The following KCNIP2 variants were observed in gnomAD, a reference collection of about 807,000 sequenced individuals.
KCNIP2 encodes potassium voltage-gated channel interacting protein 2, also known as A-type potassium channel modulatory protein KCNIP2.
Under a neutral mutation model 39.0 loss-of-function variants are expected in KCNIP2, and 19 were observed. The observed-to-expected ratio is 0.49, with a 90% CI of 0.34 to 0.71. The LOEUF (loss-of-function observed/expected upper bound fraction) is 0.71. Among genes scored for constraint, KCNIP2 ranks in the 30% least tolerant of loss-of-function variants. KCNIP2 has a pLI of 0.01. For missense variants in KCNIP2, 261 were observed against 346.0 expected (o/e 0.75, Z 1.95); for synonymous variants, 111 against 131.2 (o/e 0.85, Z 1.05).
chr10:101,827,111 G>T lies in KCNIP2; in HGVS notation c.*242C>A. ...AGGAGGGGCACTCTCAACACTGGGT[G>T]TCAGGCAGGAAGGGGGTGAGAGCTG... On this transcript the variant is annotated 3_prime_UTR_variant, in exon 10 of 10. Transcript: ENST00000356640. The T allele has an allele frequency of 1.1e-6, 1 of 927,448 alleles. No individual in the cohort carries two copies. Among genetic ancestry groups the T allele is most frequent in the Non-Finnish European group, 1.4e-6 (1 of 700,808 alleles). 57.5% of individuals were successfully genotyped at this position (927,448 alleles called of 1,614,324 possible).
intron 1 of KCNIP2, among the ~76,000 whole-genome samples, chr10:101,840,182 G>T (rs2066288465): frequency 6.6e-6 from 1 of 152,006 alleles, no homozygotes. Flanking sequence ...GATGGGGAAT[G>T]AACCGTATCT....
At chr10:101,833,869 C>T (rs1049899724) in intron 1 of KCNIP2, among the ~76,000 whole-genome samples, 1 of 151,978 alleles carries the variant, frequency 6.6e-6, no homozygotes, top group Non-Finnish European at 1.5e-5. Context: ...CAAAAAGGAC[C>T]CCCCAGAAAT....
intron 2 of KCNIP2, among the ~76,000 whole-genome samples, 197 bp downstream of exon 2, chr10:101,830,875 C>T (rs2065965700): frequency 6.6e-6 from 1 of 151,630 alleles, no homozygotes; most frequent in African/African-American, 2.4e-5. Context: ...CTCGCGCGCA[C>T]ATGCACACAC....
In KCNIP2 at chr10:101,832,286, C is replaced by T. The variant is rs998687058; in HGVS notation, c.74-1119G>A. Reference sequence around the variant, plus strand: ...GCTCTAATTGCACCCCCAGAGGACCCTCAGTGTTACTGTGTGTGTGTGTGT... The same window carrying T: ...GCTCTAATTGCACCCCCAGAGGACCTTCAGTGTTACTGTGTGTGTGTGTGT... On this transcript the variant is annotated intron_variant, in intron 1 of 9. Transcript: ENST00000356640. Among the ~76,000 whole-genome samples the T allele has an allele frequency of 2.8e-5, 4 of 145,162 alleles. No homozygotes were observed. The East Asian group carries it at 6.1e-4, about 22-fold the overall frequency.
intron 2 of KCNIP2, chr10:101,830,370 G>A: frequency 1.6e-6 from 2 of 1,274,170 alleles, no homozygotes; most frequent in Non-Finnish European, 2.1e-6. Flanking sequence ...CACACATCAG[G>A]GGTCCAAAAC....
intron 1 of KCNIP2, among the ~76,000 whole-genome samples, chr10:101,834,763 G>A (rs1399297432): frequency 6.6e-6 from 1 of 152,226 alleles, no homozygotes; most frequent in Non-Finnish European, 1.5e-5. Context: ...AGGCAGGGAA[G>A]GGCAGGGTGT....
At chr10:101,835,970 C>T (rs1194192642) in intron 1 of KCNIP2, among the ~76,000 whole-genome samples, 1 of 152,198 alleles carries the variant, frequency 6.6e-6, no homozygotes, top group African/African-American at 2.4e-5. Flanking sequence ...CTCTAAACCA[C>T]CACACTACAC....
chr10:101,835,430 G>A lies in KCNIP2; in HGVS notation c.74-4263C>T, dbSNP rs1423738819. ...GGGACTTACTGCAGCTGCCTTTGGG[G>A]TCAAGAAACCCAAGCTTCTTGGGAG... On this transcript the variant is annotated intron_variant, in intron 1 of 9. Coordinates refer to ENST00000356640, the MANE Select transcript of KCNIP2 (RefSeq NM_173191.3). 2.0e-5 allele frequency among the ~76,000 whole-genome samples: 3 copies of A among 152,196 alleles called. No individual in the cohort carries two copies. The East Asian group carries it at 5.8e-4, about 29-fold the overall frequency.
In KCNIP2 at chr10:101,828,471, G is replaced by A; in HGVS notation, c.419-12C>T. 1 of 1,613,806 alleles carries A rather than the reference G, an allele frequency of 6.2e-7. No individual in the cohort carries two copies. The highest frequency in any genetic ancestry group is 8.5e-7 in the Non-Finnish European group (1 of 1,179,876). On this transcript the variant is annotated splice_polypyrimidine_tract_variant and intron_variant, in intron 5 of 9. Transcript: ENST00000356640. This position sits in a 1 kb window ranked among gnomAD's most constrained non-coding sequence, Gnocchi z 6.6. ...ATAGGTGCTGGAGTCTGCAGGGTGA[G>A]TGTGGAGAAGTTGGCTTCCACACAG...
chr10:101,832,678 C>T (rs1163117704), intron 1 of KCNIP2, among the ~76,000 whole-genome samples: 3 of 152,180 alleles, frequency 2.0e-5, no homozygotes, highest in African/African-American at 7.2e-5. Flanking sequence ...GCTCCATTAG[C>T]CTGGACTCTA....
Position 101,828,801 on chromosome 10 carries a change from A to G in KCNIP2, c.349-105T>C, listed in dbSNP as rs2065845747. 5.0e-6 allele frequency: 8 copies of G among 1,600,208 alleles called. No homozygotes were observed. The East Asian group carries it at 1.8e-4, about 36-fold the overall frequency. On this transcript the variant is annotated intron_variant, in intron 4 of 9. Coordinates refer to ENST00000356640, the MANE Select transcript of KCNIP2 (RefSeq NM_173191.3). This position sits in a 1 kb window ranked among gnomAD's most constrained non-coding sequence, Gnocchi z 6.6. ...CTCCCAGGGAGGGGGATAATCTTCA[A>G]GCCTCCAGAGGACTCACCACGTGGC...
intron 1 of KCNIP2, among the ~76,000 whole-genome samples, chr10:101,840,358 G>A (rs2066293502): frequency 6.6e-6 from 1 of 151,800 alleles, no homozygotes; most frequent in African/African-American, 2.4e-5. Context: ...CCAGGAGGAA[G>A]GAGAAAGAGG....
At chr10:101,827,527 A>C in intron 9 of KCNIP2, 127 bp from the exon 10 acceptor site, 1 of 1,291,300 alleles carries the variant, frequency 7.7e-7, no homozygotes, top group East Asian at 2.3e-5. Context: ...AGATGCCCAG[A>C]GAGACCTGAG....
intron 1 of KCNIP2, among the ~76,000 whole-genome samples, chr10:101,842,760 G>A (rs1302519899): frequency 2.0e-5 from 3 of 152,174 alleles, no homozygotes; most frequent in African/African-American, 7.2e-5. Flanking sequence ...GGAAGCCAGA[G>A]AGGCAGCAGG....
At chr10:101,829,273 A>T in intron 3 of KCNIP2, 74 bp from the exon 4 acceptor site, 1 of 1,433,490 alleles carries the variant, frequency 7.0e-7, no homozygotes, top group Non-Finnish European at 9.2e-7. Flanking sequence ...TGCCCCATTC[A>T]CCCCCTCCCC....
intron 9 of KCNIP2, 63 bp downstream of exon 9, chr10:101,827,622 TTTTC>T: frequency 6.4e-7 from 1 of 1,569,344 alleles, no homozygotes; most frequent in Non-Finnish European, 8.8e-7. Flanking sequence ...CCAAAGAAGC[TTTTC>T]CCTGCATTAC....
Position 101,829,035 on chromosome 10 carries a change from T to G in KCNIP2, c.348+40A>C, listed in dbSNP as rs757353974. The G allele has an allele frequency of 1.9e-6, 3 of 1,600,260 alleles. No individual in the cohort carries two copies. In the Admixed American group the frequency reaches 5.1e-5, roughly 27 times the overall value. ...AGCTGTGGACCGGCTTGGGTCCTCC[T>G]GTCCCACCCTCGCTGAGTTTGGCCT... is the stretch of plus-strand genomic sequence containing the variant. On this transcript the variant is annotated intron_variant, in intron 4 of 9. Coordinates refer to ENST00000356640, the MANE Select transcript of KCNIP2 (RefSeq NM_173191.3).
intron 1 of KCNIP2, among the ~76,000 whole-genome samples, chr10:101,831,920 C>A (rs1396903523): frequency 6.6e-6 from 1 of 152,120 alleles, no homozygotes; most frequent in African/African-American, 2.4e-5. Context: ...CCCCATGGCA[C>A]CCAGATATCT....
In KCNIP2 at chr10:101,829,156, C is replaced by T. The variant is rs370181119; in HGVS notation, c.267G>A (p.Arg89=). 1.9e-6 allele frequency: 3 copies of T among 1,614,056 alleles called. No individual in the cohort carries two copies. The African/African-American group carries it at 4.0e-5, about 22-fold the overall frequency. Residue 89 remains arginine, a synonymous_variant, in exon 4 of 10, where the codon CGG becomes CGA. Transcript: ENST00000356640. The part of the protein sequence containing the change: ...DEFELSTVCH[R]PEGLEQLQEQ... Reference sequence around the variant, plus strand: ...CCTGCAGCTGCTCCAGACCCTCAGGCCGGTGACACACGGTGGACAATTCAA... The same window carrying T: ...CCTGCAGCTGCTCCAGACCCTCAGGTCGGTGACACACGGTGGACAATTCAA...
Sources: allele counts gnomAD v4.1 joint callset (sites outside exome capture counted in the v4.1 genomes callset), GRCh38; gene constraint gnomAD v4.1.1; non-coding constraint Gnocchi (gnomAD v3.1); transcripts MANE v1.5; gene names NCBI Gene and HGNC (gene_info 2026-07-23, HGNC 2026-07-21).